The following ADAM22 variants were observed in gnomAD, a reference collection of about 807,000 sequenced individuals.
The protein encoded by ADAM22 is disintegrin and metalloproteinase domain-containing protein 22.
Under a neutral mutation model 144.6 loss-of-function variants are expected in ADAM22, and 65 were observed. The ratio of observed to expected loss-of-function variants is 0.45; its 90% CI spans 0.37 to 0.55. ADAM22 has a LOEUF of 0.55. Ranked by LOEUF, ADAM22 falls within the 20% of genes least tolerant of loss-of-function variation. ADAM22 has a pLI of 0.00. For missense variants in ADAM22, 974 were observed against 1,184.9 expected, an observed-to-expected ratio of 0.82 and a Z score of 2.61; for synonymous variants, 391 against 412.6, an observed-to-expected ratio of 0.95 and a Z score of 0.63.
Position 88,149,018 on chromosome 7 carries a change from T to G in ADAM22, c.1527T>G (p.Asp509Glu), listed in dbSNP as rs200566855. The G allele has an allele frequency of 1.6e-4, 263 of 1,612,442 alleles. No homozygotes were observed. Among genetic ancestry groups the G allele is most frequent in the Non-Finnish European group, 2.2e-4 (257 of 1,178,966 alleles). ...CTGTGTGCCGAGAAGCAGTAAATGA[T>G]TGTGATATTCGTGAAACGTGCTCAG... ...MGTVCREAVNDCDIRETCSGN... is the reference protein window; with the variant it reads ...MGTVCREAVNECDIRETCSGN... Residue 509 changes from aspartate (D) to glutamate (E), a missense_variant, in exon 18 of 32, where the codon GAT becomes GAG. Around this residue, in one of 2 missense-constraint regions of ADAM22, gnomAD observed 734 missense variants for 950.6 expected, o/e 0.77. Coordinates refer to ENST00000413139, the MANE Select transcript of ADAM22 (RefSeq NM_001324418.2).
At chr7:87,983,146 C>G (rs1854117113) in intron 3 of ADAM22, among the ~76,000 whole-genome samples, 1 of 151,912 alleles carries the variant, frequency 6.6e-6, no homozygotes, top group African/African-American at 2.4e-5. Context: ...TTTTCTGTTG[C>G]AAAATTTTCT....
chr7:87,977,497 C>T (rs1852173087), intron 2 of ADAM22, among the ~76,000 whole-genome samples: 1 of 152,320 alleles, frequency 6.6e-6, no homozygotes, highest in Non-Finnish European at 1.5e-5. Flanking sequence ...GGTTTGGATA[C>T]TGTAGAAACA....
rs1234479579 is a variant in ADAM22 at position 88,114,613 on chromosome 7, A to T, written c.503A>T (p.Tyr168Phe). The T allele has an allele frequency of 3.7e-6, 6 of 1,614,012 alleles. No homozygotes were observed. In the Admixed American group the frequency reaches 1.0e-4, roughly 27 times the overall value. Residue 168 changes from tyrosine to phenylalanine, a missense_variant, in exon 6 of 32, where the codon TAT (tyrosine) becomes TTT (phenylalanine). Transcript: ENST00000413139. ...ATGTTCTATGACGGGAACCACACAT[A>T]TCTCATTGAGCCAGAAGAAAATGAC... ...HGMFYDGNHTYLIEPEENDTT... is the reference protein window; with the variant it reads ...HGMFYDGNHTFLIEPEENDTT...
intron 2 of ADAM22, among the ~76,000 whole-genome samples, chr7:87,944,295 T>TGC (rs1843040095): frequency 2.0e-5 from 3 of 152,178 alleles, no homozygotes; most frequent in African/African-American, 7.2e-5. Context: ...AATTTGCTGG[T>TGC]ACACACAATT....
chr7:88,058,568 G>C (rs1808905065), intron 3 of ADAM22, among the ~76,000 whole-genome samples: 1 of 152,174 alleles, frequency 6.6e-6, no homozygotes, highest in Non-Finnish European at 1.5e-5. Flanking sequence ...TGTCTGAATT[G>C]TGGGAAAGGG....
At chr7:88,033,136 T>C (rs1044469138) in intron 3 of ADAM22, among the ~76,000 whole-genome samples, 4 of 152,240 alleles carry the variant, frequency 2.6e-5, no homozygotes, top group African/African-American at 9.6e-5. Flanking sequence ...GTTAGGTATT[T>C]ACTGTAGTCT....
intron 3 of ADAM22, among the ~76,000 whole-genome samples, chr7:87,992,771 A>G (rs1326821463): frequency 2.0e-5 from 3 of 152,106 alleles, no homozygotes; most frequent in African/African-American, 7.2e-5. Flanking sequence ...GTAAATCCAA[A>G]GGTTGTACAG....
Position 87,934,290 on chromosome 7 carries a change from C to T in ADAM22, c.-176C>T. The T allele has an allele frequency of 1.8e-6, 1 of 543,226 alleles. No individual in the cohort carries two copies. The highest frequency in any genetic ancestry group is 3.5e-5 in the East Asian group (1 of 28,846). The allele number at this position is 543,226 out of a possible 1,614,324, so 33.7% of individuals were successfully genotyped here. On this transcript the variant is annotated 5_prime_UTR_variant, in exon 1 of 32. Transcript: ENST00000413139. ...CCCGCCAGCGGAAGCGTCCGCGAAG[C>T]ACAATGCAGCACTGAGCCGCGGTGG...
chr7:88,026,834 T>C (rs1799131782), intron 3 of ADAM22, among the ~76,000 whole-genome samples: 1 of 152,214 alleles, frequency 6.6e-6, no homozygotes, highest in South Asian at 2.1e-4. Flanking sequence ...TCAGTTTTTT[T>C]CCATTCAGTA....
At chr7:88,117,891 C>G (rs971124761) in intron 7 of ADAM22, among the ~76,000 whole-genome samples, 1 of 151,944 alleles carries the variant, frequency 6.6e-6, no homozygotes, top group Admixed American at 6.6e-5. Context: ...ACAGGGGTTT[C>G]GCCATATTGG....
At chr7:88,116,271 T>C (rs938143966) in intron 6 of ADAM22, among the ~76,000 whole-genome samples, 2 of 152,188 alleles carry the variant, frequency 1.3e-5, no homozygotes, top group African/African-American at 2.4e-5. Context: ...CTTTTTCATA[T>C]AGCTTGTATG....
At chr7:87,973,948 G>T (rs145770326) in intron 2 of ADAM22, among the ~76,000 whole-genome samples, 169 of 151,982 alleles carry the variant, frequency 1.1e-3, no homozygotes, top group African/African-American at 3.8e-3. Context: ...TGGGGTAGGG[G>T]TAGGGGGTGG....
intron 20 of ADAM22, among the ~76,000 whole-genome samples, chr7:88,151,713 A>C (rs1046735225): frequency 6.6e-6 from 1 of 152,194 alleles, no homozygotes; most frequent in Non-Finnish European, 1.5e-5. Flanking sequence ...GACGTCCTTA[A>C]CTTAGAACAG....
chr7:88,033,566 G>T (rs1800791898), intron 3 of ADAM22, among the ~76,000 whole-genome samples: 1 of 152,150 alleles, frequency 6.6e-6, no homozygotes, highest in African/African-American at 2.4e-5. Flanking sequence ...ATCTATGTTT[G>T]CTCAAGGCCC....
At chr7:88,189,384 C>G (rs1458940815) in intron 30 of ADAM22, among the ~76,000 whole-genome samples, 2 of 152,260 alleles carry the variant, frequency 1.3e-5, no homozygotes, top group East Asian at 3.9e-4. Flanking sequence ...TGAAAAGAAA[C>G]GAATAATTAC....
At chr7:87,986,914 A>C (rs550762847) in intron 3 of ADAM22, among the ~76,000 whole-genome samples, 1 of 152,300 alleles carries the variant, frequency 6.6e-6, no homozygotes, top group African/African-American at 2.4e-5. Flanking sequence ...TAGTTTTTCA[A>C]GGAAAATACC....
chr7:88,039,464 A>AAAAAAAAAAT, intron 3 of ADAM22, among the ~76,000 whole-genome samples: 8 of 76,372 alleles, frequency 1.0e-4, no homozygotes, highest in African/African-American at 3.8e-4. Flanking sequence ...AAAAAAAAAA[A>AAAAAAAAAAT]ATATATATAT....
At chr7:88,077,142 C>T (rs1222508231) in intron 4 of ADAM22, among the ~76,000 whole-genome samples, 1 of 152,116 alleles carries the variant, frequency 6.6e-6, no homozygotes, top group Non-Finnish European at 1.5e-5. Flanking sequence ...GTTATTTTCC[C>T]ATAAAGCCTT....
At chr7:88,039,464 A>AATATATATATATATATATATAT (rs1554420479) in intron 3 of ADAM22, among the ~76,000 whole-genome samples, 23 of 76,010 alleles carry the variant, frequency 3.0e-4, no homozygotes, top group Middle Eastern at 6.9e-3. Flanking sequence ...AAAAAAAAAA[A>AATATATATATATATATATATAT]ATATATATAT....
Sources: allele counts gnomAD v4.1 joint callset (sites outside exome capture counted in the v4.1 genomes callset), GRCh38; gene constraint gnomAD v4.1.1; regional missense constraint gnomAD v4.1.1; transcripts MANE v1.5; gene names NCBI Gene and HGNC (gene_info 2026-07-23, HGNC 2026-07-21).